Variants in RIF1 observed in about 807,000 individuals in gnomAD.
The protein encoded by RIF1 is replication timing regulatory factor 1.
A neutral mutation model predicts 247.1 loss-of-function variants in RIF1; 45 were observed. That is an observed-to-expected ratio of 0.18 (90% CI 0.14 to 0.23). RIF1 has a LOEUF of 0.23. Among genes scored for constraint, RIF1 ranks in the 10% least tolerant of loss-of-function variants. The pLI, the probability that RIF1 is intolerant of heterozygous loss-of-function variation, is 1.00. For synonymous variants in RIF1, 1,087 were observed against 978.8 expected, an observed-to-expected ratio of 1.11 and a Z score of -2.06; for missense variants, 2,967 against 2,862.5, an observed-to-expected ratio of 1.04 and a Z score of -0.83.
intron 9 of RIF1, among the ~76,000 whole-genome samples, chr2:151,429,479 C>G (rs1225532603): frequency 6.6e-6 from 1 of 152,140 alleles, no homozygotes; most frequent in African/African-American, 2.4e-5. Flanking sequence ...TGCCCCCAGC[C>G]TATTATTTGT....
chr2:151,410,983 G>C (rs1215789425), intron 2 of RIF1, among the ~76,000 whole-genome samples: 1 of 152,182 alleles, frequency 6.6e-6, no homozygotes, highest in Non-Finnish European at 1.5e-5. Context: ...CAAATCGTTA[G>C]TAACTAGGAA....
chr2:151,503,918 A>C (rs2066778805), intron 12 of RIF1, among the ~76,000 whole-genome samples: 1 of 152,222 alleles, frequency 6.6e-6, no homozygotes, highest in Admixed American at 6.5e-5. Context: ...AATCTGTAGG[A>C]GCCTAGTCCC....
chr2:151,434,451 T>C (rs1339487545), intron 10 of RIF1, among the ~76,000 whole-genome samples: 6 of 145,952 alleles, frequency 4.1e-5, no homozygotes, highest in Non-Finnish European at 9.1e-5. Context: ...TTTTTTTTTT[T>C]TTTTTTTGAG....
At chr2:151,513,755 A>T in the RIF1 span, 1 of 1,143,722 alleles carries the variant, frequency 8.7e-7, no homozygotes, top group Non-Finnish European at 1.3e-6. Flanking sequence ...TAATAAACAT[A>T]CAGGGTGAAT....
downstream of RIF1, among the ~76,000 whole-genome samples, chr2:151,512,105 A>G (rs901871028): frequency 1.4e-4 from 19 of 136,344 alleles, no homozygotes; most frequent in Admixed American, 7.7e-4. Context: ...ATCTCGGCTC[A>G]CTGCAAGCTC....
intron 13 of RIF1, among the ~76,000 whole-genome samples, chr2:151,507,310 A>G (rs2069967462): frequency 6.6e-6 from 1 of 152,260 alleles, no homozygotes; most frequent in Non-Finnish European, 1.5e-5. Context: ...GTTCACATTC[A>G]GTAAAGGAAG....
intron 11 of RIF1, among the ~76,000 whole-genome samples, chr2:151,502,506 CTG>C (rs900411247): frequency 3.3e-5 from 5 of 151,922 alleles, no homozygotes; most frequent in Admixed American, 6.6e-5. Flanking sequence ...TTACTTTTGA[CTG>C]TGTTACACCA....
the RIF1 span, among the ~76,000 whole-genome samples, chr2:151,520,426 A>T: frequency 6.6e-6 from 1 of 152,216 alleles, no homozygotes; most frequent in African/African-American, 2.4e-5. Context: ...CTTTTAGTAT[A>T]CATAAAAATA....
At chr2:151,471,200 G>C (rs1317385539) in intron 34 of RIF1, among the ~76,000 whole-genome samples, 2 of 152,100 alleles carry the variant, frequency 1.3e-5, no homozygotes, top group African/African-American at 4.8e-5. Context: ...TTAGCATAAT[G>C]TTTTCAAGGT....
At chr2:151,518,241 G>A in the RIF1 span, 6 of 1,017,914 alleles carry the variant, frequency 5.9e-6, no homozygotes, top group Non-Finnish European at 9.4e-6. Context: ...ACAATGGAGG[G>A]AATCTATGAA....
At chr2:151,418,843 C>G (rs1210566505) in intron 6 of RIF1, among the ~76,000 whole-genome samples, 2 of 151,792 alleles carry the variant, frequency 1.3e-5, no homozygotes, top group African/African-American at 4.8e-5. Context: ...CCACTGCACT[C>G]CAGCTTGGGT....
At chr2:151,501,462 T>C in intron 11 of RIF1, 1 of 1,529,288 alleles carries the variant, frequency 6.5e-7, no homozygotes, top group Non-Finnish European at 8.8e-7. Flanking sequence ...GTCCCCTTGC[T>C]CAAGTTCTCT....
At chr2:151,445,251 G>C (rs1693050263) in intron 18 of RIF1, 87 bp from the exon 19 acceptor site, 1 of 789,742 alleles carries the variant, frequency 1.3e-6, no homozygotes, top group Non-Finnish European at 2.2e-6. Flanking sequence ...ACACAGTTTT[G>C]CCCACTACTT....
At chr2:151,533,638 A>ATG in the RIF1 span, 2 of 765,698 alleles carry the variant, frequency 2.6e-6, no homozygotes, top group Non-Finnish European at 4.4e-6. Context: ...GAGTGAAGAG[A>ATG]TGTAGGCATA....
At chr2:151,490,326 G>T (rs377171458) in intron 9 of RIF1, 2 of 1,565,278 alleles carry the variant, frequency 1.3e-6, no homozygotes, top group Admixed American at 1.9e-5. Context: ...AACCATCAAT[G>T]AGCTGGCCGG....
intron 30 of RIF1, 114 bp downstream of exon 30, chr2:151,466,234 A>G: frequency 1.5e-6 from 1 of 652,556 alleles, no homozygotes; most frequent in East Asian, 2.6e-5. Context: ...CACTCATTTG[A>G]TTATTTACCA....
At chr2:151,517,284 C>T in the RIF1 span, among the ~76,000 whole-genome samples, 49 of 152,332 alleles carry the variant, frequency 3.2e-4, no homozygotes, top group Middle Eastern at 0.017. Flanking sequence ...GGCGAAGACC[C>T]TCATGCACGC....
At chr2:151,411,428 C>T in intron 3 of RIF1, 90 bp downstream of exon 3, 1 of 799,156 alleles carries the variant, frequency 1.3e-6, no homozygotes, top group Non-Finnish European at 2.0e-6. Context: ...TGTAGTTTTG[C>T]TCTTGTTGCC....
chr2:151,433,705 CCAG>C lies in RIF1; in HGVS notation c.1077+479_1077+481del, dbSNP rs1381207975. ...CCTGGCCTCAAATGATTCGCCCATG[CCAG>C]CCTCCCAAAATGCTGGGATTACAGG... On this transcript the variant is annotated intron_variant, in intron 10 of 35. Transcript: ENST00000444746. 3.3e-5 allele frequency among the ~76,000 whole-genome samples: 5 copies of C among 152,114 alleles called. No individual in the cohort carries two copies. The East Asian group carries it at 9.7e-4, about 30-fold the overall frequency.
Sources: gnomAD v4.1 joint callset for allele counts (sites outside exome capture counted in the v4.1 genomes callset) on GRCh38, gnomAD v4.1.1 for gene constraint, MANE v1.5 for transcripts, NCBI Gene and HGNC (gene_info 2026-07-23, HGNC 2026-07-21) for gene names.